The following LOXHD1 variants were observed in gnomAD, a reference collection of about 807,000 sequenced individuals.
The protein encoded by LOXHD1 is lipoxygenase homology domain-containing protein 1.
A neutral mutation model predicts 248.2 loss-of-function variants in LOXHD1; 205 were observed. The observed-to-expected ratio is 0.83, with a 90% CI of 0.74 to 0.93. The LOEUF is 0.93. Among genes scored for constraint, LOXHD1 ranks in the 40% least tolerant of loss-of-function variants. The pLI, the probability that LOXHD1 is intolerant of heterozygous loss-of-function variation, is 0.00. For synonymous variants in LOXHD1, 1,113 were observed against 1,162.8 expected (o/e 0.96, Z 0.87); for missense variants, 2,930 against 2,971.6 (o/e 0.99, Z 0.33).
intron 37 of LOXHD1, among the ~76,000 whole-genome samples, chr18:46,495,558 G>C (rs375997500): frequency 6.6e-6 from 1 of 152,176 alleles, no homozygotes; most frequent in South Asian, 2.1e-4. Flanking sequence ...TTCAATGTTA[G>C]CACCAATAAT....
At chr18:46,618,608 C>T (rs773082373) in intron 4 of LOXHD1, among the ~76,000 whole-genome samples, 5 of 152,170 alleles carry the variant, frequency 3.3e-5, no homozygotes, top group South Asian at 2.1e-4. Context: ...TTTTTATCTG[C>T]TAACATGTTG....
intron 3 of LOXHD1, among the ~76,000 whole-genome samples, chr18:46,640,885 C>A (rs2038954310): frequency 6.6e-6 from 1 of 152,160 alleles, no homozygotes; most frequent in Admixed American, 6.5e-5. Context: ...AAACATCTTA[C>A]CCCTGTGAGG....
At chr18:46,525,023 A>AGGTCTGTTCAGTG in intron 29 of LOXHD1, 106 bp from the exon 30 acceptor site, 2 of 1,304,496 alleles carry the variant, frequency 1.5e-6, no homozygotes, top group Non-Finnish European at 2.1e-6. Context: ...GCTGCACTGA[A>AGGTCTGTTCAGTG]CAGACCTTCT....
chr18:46,654,134 C>T (rs141033616), intron 1 of LOXHD1, among the ~76,000 whole-genome samples: 1 of 152,324 alleles, frequency 6.6e-6, no homozygotes, highest in East Asian at 1.9e-4. Context: ...TGCCTATTGC[C>T]ATGTGGGAAC....
intron 39 of LOXHD1, 75 bp from the exon 40 acceptor site, chr18:46,483,820 T>A (rs2032799948): frequency 6.7e-7 from 1 of 1,492,426 alleles, no homozygotes; most frequent in Non-Finnish European, 9.0e-7. Context: ...GGGGGCCTGC[T>A]GCATTCCAAG....
intron 20 of LOXHD1, among the ~76,000 whole-genome samples, 160 bp from the exon 21 acceptor site, chr18:46,557,649 G>C (rs1363826842): frequency 6.6e-6 from 1 of 152,210 alleles, no homozygotes; most frequent in African/African-American, 2.4e-5. Context: ...TTAGTAGTCT[G>C]GTGTTTGGTC....
intron 20 of LOXHD1, chr18:46,558,148 T>C (rs746142700): frequency 9.9e-6 from 8 of 810,390 alleles, no homozygotes; most frequent in Non-Finnish European, 1.2e-5. Flanking sequence ...AGAAATAGTA[T>C]GATGAAAGTT....
rs1280775905 is a variant in LOXHD1, at chr18:46,563,577, A to G, written c.2438-352T>C. 2.0e-5 allele frequency among the ~76,000 whole-genome samples: 3 copies of G among 152,172 alleles called. No homozygotes were observed. In the East Asian group the frequency reaches 5.8e-4, roughly 29 times the overall value. ...ACAGTTTGCATGTTTGTCCTCTCCAAAACTCATGCTGAAATGTCATTGCCA... is the reference window on the plus strand; with the variant it reads ...ACAGTTTGCATGTTTGTCCTCTCCAGAACTCATGCTGAAATGTCATTGCCA... On this transcript the variant is annotated intron_variant, in intron 17 of 40. Coordinates refer to ENST00000642948, the MANE Select transcript of LOXHD1 (RefSeq NM_001384474.1).
chr18:46,638,799 G>GCTCT (rs2038925173), intron 4 of LOXHD1, among the ~76,000 whole-genome samples: 1 of 152,130 alleles, frequency 6.6e-6, no homozygotes, highest in Non-Finnish European at 1.5e-5. Context: ...TGGATAAAGG[G>GCTCT]TGGAGCTTGG....
chr18:46,520,729 C>T (rs1299723971), intron 33 of LOXHD1: 1 of 246,858 alleles, frequency 4.1e-6, no homozygotes. Flanking sequence ...GAACAATGAC[C>T]CTGCCTGTCT....
At position 46,656,894 on chromosome 18, in the gene LOXHD1, G is replaced by A; in HGVS notation, c.130+10C>T. 1.3e-6 allele frequency: 2 copies of A among 1,551,204 alleles called. No individual in the cohort carries two copies. Among genetic ancestry groups the A allele is most frequent in the Non-Finnish European group, 1.7e-6 (2 of 1,146,660 alleles). On this transcript the variant is annotated intron_variant, in intron 1 of 40. Transcript: ENST00000642948. ...GCACCACCCGCCCCCCGCAGGCTGG[G>A]ACCCCGCACCTCTGGCCTTGTAGTA...
At chr18:46,655,361 C>T (rs1055321789) in intron 1 of LOXHD1, among the ~76,000 whole-genome samples, 9 of 152,106 alleles carry the variant, frequency 5.9e-5, no homozygotes, top group Admixed American at 3.3e-4. Flanking sequence ...AAAAGGAGAA[C>T]GATCATTATG....
intron 25 of LOXHD1, among the ~76,000 whole-genome samples, chr18:46,540,654 CT>C (rs60099172): frequency 0.16 from 14,463 of 91,170 alleles, 606 homozygotes; most frequent in African/African-American, 0.25. Context: ...AACTCTTTAT[CT>C]TTTTTTTTTT....
At position 46,587,601 on chromosome 18, in the gene LOXHD1, G is replaced by A. The variant is rs9961591; in HGVS notation, c.1654+4332C>T. Among the ~76,000 whole-genome samples the A allele has an allele frequency of 4.1e-3, 629 of 152,310 alleles. 3 individuals carry two copies. Among genetic ancestry groups the A allele is most frequent in the African/African-American group, 0.015 (611 of 41,558 alleles). ...ACAATTTAAAATAGTTATATTGTTA[G>A]ATACCAGTAGTGAAAGACTTTAAAG... is the stretch of plus-strand genomic sequence containing the variant. On this transcript the variant is annotated intron_variant, in intron 12 of 40. Coordinates refer to ENST00000642948, the MANE Select transcript of LOXHD1 (RefSeq NM_001384474.1).
rs2144138527 is a variant in LOXHD1, at chr18:46,522,299, G to T, written c.4887C>A (p.Tyr1629Ter). Reference protein sequence around the residue: ...DYVQEGPIIPYYVSVTTGKHK... With the variant: ...DYVQEGPIIP ...GCTTCCCAGTGGTGACTGACACATA[G>T]TAGGGAATAACTGCAAGAGATCACG... The change falls in exon 32 of 41, where the codon TAC (tyrosine) becomes TAA (stop). Residue 1629 changes from tyrosine to a stop codon, truncating the protein, a stop_gained. Transcript: ENST00000642948. LOFTEE classifies it high-confidence loss of function. 1 of 1,551,770 alleles carries T rather than the reference G, an allele frequency of 6.4e-7. No individual in the cohort carries two copies. Among genetic ancestry groups the T allele is most frequent in the East Asian group, 2.4e-5 (1 of 40,926 alleles).
In LOXHD1 at chr18:46,529,225, T is replaced by TCG. The variant is rs2144220255; in HGVS notation, c.4480_4481dup (p.Tyr1495AspfsTer28). ...TCCGGTTCTCTGACTTGCCAAGGTA[T>TCG]CGCTCCCCAGTGTCCCCGAGGTCTC... On this transcript the variant is annotated frameshift_variant, in exon 29 of 41. Coordinates refer to ENST00000642948, the MANE Select transcript of LOXHD1 (RefSeq NM_001384474.1). LOFTEE classifies it high-confidence loss of function. The TCG allele has an allele frequency of 6.4e-7, 1 of 1,551,622 alleles. No homozygotes were observed. Among genetic ancestry groups the TCG allele is most frequent in the Non-Finnish European group, 8.7e-7 (1 of 1,146,972 alleles).
intron 33 of LOXHD1, 102 bp downstream of exon 33, chr18:46,520,995 T>C: frequency 7.3e-7 from 1 of 1,372,648 alleles, no homozygotes; most frequent in Non-Finnish European, 9.9e-7. Flanking sequence ...GATGCCCCAG[T>C]GATGAGTCTC....
At chr18:46,493,372 TAA>T (rs1040509154) in intron 37 of LOXHD1, among the ~76,000 whole-genome samples, 1 of 152,236 alleles carries the variant, frequency 6.6e-6, no homozygotes, top group African/African-American at 2.4e-5. Flanking sequence ...CAATCTGAAA[TAA>T]GTTTGTCTTT....
intron 37 of LOXHD1, among the ~76,000 whole-genome samples, chr18:46,493,639 G>A (rs141258733): frequency 6.6e-6 from 1 of 152,332 alleles, no homozygotes; most frequent in Non-Finnish European, 1.5e-5. Context: ...GCCTGTCCTA[G>A]TAGAATTGAT....
Sources: allele counts gnomAD v4.1 joint callset (sites outside exome capture counted in the v4.1 genomes callset), GRCh38; gene constraint gnomAD v4.1.1; transcripts MANE v1.5; gene names NCBI Gene and HGNC (gene_info 2026-07-23, HGNC 2026-07-21).